ARHGAP1: variants seen among roughly 807,000 people sequenced by gnomAD.
The protein encoded by ARHGAP1 is Rho GTPase activating protein 1.
ARHGAP1 carries 23 observed loss-of-function variants against 52.2 expected under a neutral mutation model. That is an observed-to-expected ratio of 0.44 (90% CI 0.32 to 0.62). The LOEUF is 0.62. Among genes scored for constraint, ARHGAP1 ranks in the 20% least tolerant of loss-of-function variants. The pLI, the probability that ARHGAP1 is intolerant of heterozygous loss-of-function variation, is 0.05. For synonymous variants in ARHGAP1, 210 were observed against 228.4 expected (o/e 0.92, Z 0.73); for missense variants, 480 against 560.9 (o/e 0.86, Z 1.46).
At position 46,679,872 on chromosome 11, in the gene ARHGAP1, C is replaced by A. The variant is rs2134476612; in HGVS notation, c.899-96G>T. 1 of 1,566,392 alleles carries A rather than the reference C, an allele frequency of 6.4e-7. No homozygotes were observed. Among genetic ancestry groups the A allele is most frequent in the South Asian group, 1.2e-5 (1 of 85,584 alleles). On this transcript the variant is annotated intron_variant, in intron 10 of 12. Coordinates refer to ENST00000311956, the MANE Select transcript of ARHGAP1 (RefSeq NM_004308.5). The surrounding 1 kb of genome is among the most constrained non-coding windows in gnomAD (Gnocchi z 4.4). ...GCCGCACTGCCTGACTGCCCCTGGA[C>A]ACTGCATAAGCCCCTCCTCCCAGGG...
At chr11:46,684,992 G>A (rs1054842129) in intron 4 of ARHGAP1, among the ~76,000 whole-genome samples, 9 of 151,318 alleles carry the variant, frequency 5.9e-5, no homozygotes, top group African/African-American at 1.9e-4. Flanking sequence ...GGAGGCTGAG[G>A]CAGGGGAATC....
chr11:46,694,132 C>A (rs542463012), intron 3 of ARHGAP1, among the ~76,000 whole-genome samples: 105 of 152,306 alleles, frequency 6.9e-4, no homozygotes, highest in African/African-American at 2.4e-3. Flanking sequence ...CATGGGGACA[C>A]CATCACCCAG....
chr11:46,680,648 C>T lies in ARHGAP1; in HGVS notation c.735G>A (p.Ser245=), dbSNP rs534367851. ...CCACCTTTCATACTTACTGCTGCAG[C>T]GAGACTCCAAACTGCTGGTTGGGCA... ...PPLPNQQFGV[S]LQHLQEKNPE... Residue 245 remains serine (S), a synonymous_variant, in exon 8 of 13, where the codon TCG becomes TCA. Transcript: ENST00000311956. This position sits in a 1 kb window ranked among gnomAD's most constrained non-coding sequence, Gnocchi z 5.9. The T allele has an allele frequency of 8.1e-6, 13 of 1,612,520 alleles. No individual in the cohort carries two copies. Among genetic ancestry groups the T allele is most frequent in the African/African-American group, 4.0e-5 (3 of 74,984 alleles).
At position 46,678,727 on chromosome 11, in the gene ARHGAP1, C is replaced by G. The variant is rs1182378684; in HGVS notation, c.*310G>C. 2.9e-6 allele frequency: 1 copy of G among 348,800 alleles called. No homozygotes were observed. Among genetic ancestry groups the G allele is most frequent in the Non-Finnish European group, 5.3e-6 (1 of 189,982 alleles). The allele number at this position is 348,800 out of a possible 1,614,324, so 21.6% of individuals were successfully genotyped here. ...TCCACACTTGCTAGGGAAACAGAGG[C>G]AGGAAAAAGCAGGAAAGGGGTTACT... On this transcript the variant is annotated 3_prime_UTR_variant, in exon 13 of 13. Transcript: ENST00000311956.
chr11:46,679,954 C>T lies in ARHGAP1; in HGVS notation c.899-178G>A, dbSNP rs754489024. 48 of 1,168,242 alleles carry T rather than the reference C, an allele frequency of 4.1e-5. No homozygotes were observed. Among genetic ancestry groups the T allele is most frequent in the Non-Finnish European group, 5.5e-5 (47 of 848,120 alleles). The allele number at this position is 1,168,242 out of a possible 1,614,324, so 72.4% of individuals were successfully genotyped here. On this transcript the variant is annotated intron_variant, in intron 10 of 12. Transcript: ENST00000311956. This position sits in a 1 kb window ranked among gnomAD's most constrained non-coding sequence, Gnocchi z 4.4. The stretch of plus-strand genomic sequence containing the variant: ...TGTGATCAGAGAATGCAGGTTCCGG[C>T]CATCTGGGGAAGTGGGGCCCGGCAC...
rs1013226625 is a variant in ARHGAP1 at position 46,680,117 on chromosome 11, G to A, written c.898+88C>T. On this transcript the variant is annotated intron_variant, in intron 10 of 12. Transcript: ENST00000311956. This position sits in a 1 kb window ranked among gnomAD's most constrained non-coding sequence, Gnocchi z 5.9. ...GAAACCTCCAGCAGGAAGAGACTCT[G>A]AGACTCTCATTTACAGGGCAGCAGA... 2.1e-6 allele frequency: 3 copies of A among 1,432,156 alleles called. No homozygotes were observed. The highest frequency in any genetic ancestry group is 2.9e-6 in the Non-Finnish European group (3 of 1,019,056). 88.7% of individuals were successfully genotyped at this position (1,432,156 alleles called of 1,614,324 possible). A position where few individuals can be genotyped will look rare whatever the true frequency, so the allele number is the denominator to read the frequency against.
intron 2 of ARHGAP1, 37 bp from the exon 3 acceptor site, chr11:46,695,792 G>A (rs781112928): frequency 1.3e-6 from 2 of 1,553,750 alleles, no homozygotes; most frequent in African/African-American, 2.7e-5. Context: ...CAAGCCAGGG[G>A]GCTGGCACCA....
chr11:46,680,787 T>C lies in ARHGAP1; in HGVS notation c.636-40A>G. 7.0e-7 allele frequency: 1 copy of C among 1,429,052 alleles called. No homozygotes were observed. Among genetic ancestry groups the C allele is most frequent in the Non-Finnish European group, 9.4e-7 (1 of 1,059,060 alleles). The allele number at this position is 1,429,052 out of a possible 1,614,324, so 88.5% of individuals were successfully genotyped here. A position where few individuals can be genotyped will look rare whatever the true frequency, so the allele number is the denominator to read the frequency against. On this transcript the variant is annotated intron_variant, in intron 7 of 12. Transcript: ENST00000311956. This position sits in a 1 kb window ranked among gnomAD's most constrained non-coding sequence, Gnocchi z 5.9. Reference sequence around the variant, plus strand: ...GGAGGTGGGTCAGGTCCTGCCTGGCTCTGGAGTCACTCTGCCAATTCAATC... The same window carrying C: ...GGAGGTGGGTCAGGTCCTGCCTGGCCCTGGAGTCACTCTGCCAATTCAATC...
intron 3 of ARHGAP1, chr11:46,695,276 G>A (rs1396230320): frequency 8.4e-6 from 3 of 355,270 alleles, no homozygotes; most frequent in Admixed American, 3.8e-5. Context: ...CAATTTCCCA[G>A]GAAGGACTGG....
chr11:46,700,150 T>A (rs753399084), intron 1 of ARHGAP1, among the ~76,000 whole-genome samples: 11 of 152,036 alleles, frequency 7.2e-5, no homozygotes, highest in Non-Finnish European at 1.2e-4. Context: ...AGAGTGAAAC[T>A]CCGTCTTAAA....
chr11:46,681,378 A>G lies in ARHGAP1; in HGVS notation c.451T>C (p.Tyr151His). 1 of 1,604,684 alleles carries G rather than the reference A, an allele frequency of 6.2e-7. No homozygotes were observed. The change falls in exon 6 of 13, where the codon TAC becomes CAC. Residue 151 changes from tyrosine (Y) to histidine (H), a missense_variant and splice_region_variant. Transcript: ENST00000311956. This position sits in a 1 kb window ranked among gnomAD's most constrained non-coding sequence, Gnocchi z 5.7. ...RDAYREFDRKYKKNIKALYIV... is the reference protein window; with the variant it reads ...RDAYREFDRKHKKNIKALYIV... The stretch of plus-strand genomic sequence containing the variant: ...TACAAGGCCTTGATGTTTTTCTTGT[A>G]CCTGCAGAGACAGAATGGACAACTC...
rs868106579 is a variant in ARHGAP1 at position 46,682,093 on chromosome 11, G to C, written c.407C>G (p.Ser136Cys). The stretch of plus-strand genomic sequence containing the variant: ...GTAGGCATCACGGAGCCAGCTGAGG[G>C]AGGGCTTGTTGTCGCTGGTCAGGCC... ...HHGLTSDNKPSLSWLRDAYRE... is the reference protein window; with the variant it reads ...HHGLTSDNKPCLSWLRDAYRE... Residue 136 changes from serine to cysteine, a missense_variant, in exon 5 of 13, where the codon TCC becomes TGC. Ser to Cys is a moderately radical substitution (Grantham distance 112, BLOSUM62 -1). Coordinates refer to ENST00000311956, the MANE Select transcript of ARHGAP1 (RefSeq NM_004308.5). 3.1e-6 allele frequency: 5 copies of C among 1,614,200 alleles called. No homozygotes were observed. Among genetic ancestry groups the C allele is most frequent in the Non-Finnish European group, 4.2e-6 (5 of 1,180,024 alleles).
intron 4 of ARHGAP1, chr11:46,687,507 T>A (rs766264501): frequency 3.3e-5 from 5 of 152,288 alleles, no homozygotes; most frequent in African/African-American, 2.4e-5. Flanking sequence ...TGCATCTTTC[T>A]AAAATTTGCC....
chr11:46,682,170 G>A lies in ARHGAP1; in HGVS notation c.330C>T (p.His110=), dbSNP rs1270191836. 6.2e-7 allele frequency: 1 copy of A among 1,614,106 alleles called. No homozygotes were observed. The highest frequency in any genetic ancestry group is 8.5e-7 in the Non-Finnish European group (1 of 1,179,976). Residue 110 remains histidine (H), a synonymous_variant, in exon 5 of 13, where the codon CAC becomes CAT. Coordinates refer to ENST00000311956, the MANE Select transcript of ARHGAP1 (RefSeq NM_004308.5). ...DHSKLLGYLK[H]TLDQYVESDY... is the part of the protein sequence containing the mutation. ...CACTCTCCACGTACTGGTCCAGGGTGTGCTTCAGGTACCTTCCAGGGAAAA... is the reference window on the plus strand; with the variant it reads ...CACTCTCCACGTACTGGTCCAGGGTATGCTTCAGGTACCTTCCAGGGAAAA...
Position 46,680,639 on chromosome 11 carries a change from C to G in ARHGAP1, c.743+1G>C. 3 of 1,613,388 alleles carry G rather than the reference C, an allele frequency of 1.9e-6. No homozygotes were observed. Among genetic ancestry groups the G allele is most frequent in the South Asian group, 2.2e-5 (2 of 91,064 alleles). On this transcript the variant is annotated splice_donor_variant, in intron 8 of 12. Coordinates refer to ENST00000311956, the MANE Select transcript of ARHGAP1 (RefSeq NM_004308.5). LOFTEE classifies it high-confidence loss of function. The surrounding 1 kb of genome is among the most constrained non-coding windows in gnomAD (Gnocchi z 5.9). ...GTGGCCCAGCCACCTTTCATACTTA[C>G]TGCTGCAGCGAGACTCCAAACTGCT...
intron 3 of ARHGAP1, chr11:46,695,454 A>G: frequency 1.5e-6 from 1 of 666,678 alleles, no homozygotes; most frequent in Non-Finnish European, 2.8e-6. Context: ...CCCACAAGGA[A>G]GAAATTAGAG....
intron 3 of ARHGAP1, among the ~76,000 whole-genome samples, chr11:46,691,149 C>T (rs570161923): frequency 2.6e-5 from 4 of 152,104 alleles, no homozygotes; most frequent in South Asian, 4.1e-4. Context: ...ATTACAGTTG[C>T]GTACCATGGC....
Position 46,681,990 on chromosome 11 carries a change from C to A in ARHGAP1, c.449+61G>T. On this transcript the variant is annotated intron_variant, in intron 5 of 12. Coordinates refer to ENST00000311956, the MANE Select transcript of ARHGAP1 (RefSeq NM_004308.5). This position sits in a 1 kb window ranked among gnomAD's most constrained non-coding sequence, Gnocchi z 5.7. The stretch of plus-strand genomic sequence containing the variant: ...GCTCCTGCCCAAGTGGAGGGCAGCC[C>A]GGAAGCTGGCAGAGCCGCTGCCTCT... 6.2e-7 allele frequency: 1 copy of A among 1,604,786 alleles called. No individual in the cohort carries two copies. The highest frequency in any genetic ancestry group is 8.5e-7 in the Non-Finnish European group (1 of 1,174,948).
At position 46,679,914 on chromosome 11, in the gene ARHGAP1, G is replaced by C; in HGVS notation, c.899-138C>G. 3.7e-6 allele frequency: 5 copies of C among 1,339,282 alleles called. No individual in the cohort carries two copies. Among genetic ancestry groups the C allele is most frequent in the Non-Finnish European group, 5.0e-6 (5 of 996,936 alleles). The allele number at this position is 1,339,282 out of a possible 1,614,324, so 83.0% of individuals were successfully genotyped here. On this transcript the variant is annotated intron_variant, in intron 10 of 12. Transcript: ENST00000311956. This position sits in a 1 kb window ranked among gnomAD's most constrained non-coding sequence, Gnocchi z 4.4. ...CTCCCAGGGGCGCCCTCTGACACCT[G>C]CCTCCCTCTTCCTCTGTGATCAGAG...
Sources: gnomAD v4.1 joint callset for allele counts (sites outside exome capture counted in the v4.1 genomes callset) on GRCh38, gnomAD v4.1.1 for gene constraint, Gnocchi (gnomAD v3.1) non-coding constraint, MANE v1.5 for transcripts, NCBI Gene and HGNC (gene_info 2026-07-23, HGNC 2026-07-21) for gene names.